The following TRPC4 variants were observed in gnomAD, a reference collection of about 807,000 sequenced individuals.
TRPC4 encodes short transient receptor potential channel 4.
TRPC4 carries 49 observed loss-of-function variants against 99.4 expected under a neutral mutation model. The observed-to-expected ratio is 0.49, with a 90% CI of 0.39 to 0.63. The LOEUF (loss-of-function observed/expected upper bound fraction) is 0.63, where lower values mean the gene tolerates loss of function less well. TRPC4 is among the 20% of genes least tolerant of loss of function. The pLI is 0.00. For synonymous variants in TRPC4, 454 were observed against 425.9 expected (o/e 1.07, Z -0.81); for missense variants, 898 against 1,152.9 (o/e 0.78, Z 3.20).
intron 2 of TRPC4, among the ~76,000 whole-genome samples, chr13:37,763,055 C>A (rs889763565): frequency 3.3e-5 from 5 of 150,974 alleles, no homozygotes; most frequent in African/African-American, 1.2e-4. Flanking sequence ...TGGCCTTGAA[C>A]AGGATTTTTG....
chr13:37,636,240 T>C lies in TRPC4; in HGVS notation c.*663A>G, dbSNP rs1472170410. On this transcript the variant is annotated 3_prime_UTR_variant, in exon 11 of 11. Transcript: ENST00000379705. ...TTTCCTGACAAAATGTCGTTAAAAA[T>C]CATCAGTCATCAAAATGTATTAAGA... Among the ~76,000 whole-genome samples the C allele has an allele frequency of 1.3e-5, 2 of 151,958 alleles. No individual in the cohort carries two copies. The highest frequency in any genetic ancestry group is 1.3e-4 in the Admixed American group (2 of 15,208).
chr13:37,704,507 T>G (rs1593548740), intron 3 of TRPC4, among the ~76,000 whole-genome samples: 1 of 152,036 alleles, frequency 6.6e-6, no homozygotes, highest in East Asian at 1.9e-4. Context: ...GCCAATATGG[T>G]GAGACCCCAT....
chr13:37,861,805 G>C (rs999815565), intron 1 of TRPC4, among the ~76,000 whole-genome samples: 3 of 151,470 alleles, frequency 2.0e-5, no homozygotes, highest in Non-Finnish European at 4.4e-5. Context: ...TACAGCACAT[G>C]CAGAGGGACA....
chr13:37,791,940 A>T (rs2139391538), intron 1 of TRPC4, among the ~76,000 whole-genome samples: 1 of 152,296 alleles, frequency 6.6e-6, no homozygotes, highest in Non-Finnish European at 1.5e-5. Context: ...AAAAAGCGGA[A>T]GAGATGAGTC....
intron 8 of TRPC4, among the ~76,000 whole-genome samples, chr13:37,649,328 C>T (rs1951945637): frequency 6.6e-6 from 1 of 152,074 alleles, no homozygotes; most frequent in South Asian, 2.1e-4. Context: ...CTGTATCTCT[C>T]TCATTAAAAT....
intron 1 of TRPC4, among the ~76,000 whole-genome samples, chr13:37,869,000 T>G (rs1959969015): frequency 6.6e-6 from 1 of 152,138 alleles, no homozygotes; most frequent in Admixed American, 6.5e-5. Context: ...CATTGGAATC[T>G]CGGTTGCCAG....
At chr13:37,669,479 G>A (rs938846937) in intron 5 of TRPC4, among the ~76,000 whole-genome samples, 1 of 152,140 alleles carries the variant, frequency 6.6e-6, no homozygotes, top group African/African-American at 2.4e-5. Context: ...AGCTTTAAAT[G>A]CTAATAAATC....
intron 4 of TRPC4, among the ~76,000 whole-genome samples, chr13:37,677,776 T>C (rs1281659356): frequency 6.6e-6 from 1 of 152,152 alleles, no homozygotes. Flanking sequence ...AGTAATGATA[T>C]AGAAGACCTG....
At chr13:37,856,254 A>C (rs902309801) in intron 1 of TRPC4, among the ~76,000 whole-genome samples, 1 of 151,728 alleles carries the variant, frequency 6.6e-6, no homozygotes, top group African/African-American at 2.4e-5. Context: ...CATGCCAATA[A>C]ATTCTAAAAT....
At chr13:37,787,475 A>G (rs1957002053) in intron 1 of TRPC4, among the ~76,000 whole-genome samples, 1 of 152,098 alleles carries the variant, frequency 6.6e-6, no homozygotes, top group South Asian at 2.1e-4. Flanking sequence ...TCCACATAAA[A>G]GCATAATGGT....
At chr13:37,720,688 T>C (rs1954841550) in intron 3 of TRPC4, among the ~76,000 whole-genome samples, 1 of 152,174 alleles carries the variant, frequency 6.6e-6, no homozygotes, top group Non-Finnish European at 1.5e-5. Flanking sequence ...ACTTGTACTG[T>C]TATACAAGTT....
At chr13:37,753,833 C>G (rs773632690) in intron 2 of TRPC4, among the ~76,000 whole-genome samples, 2 of 152,062 alleles carry the variant, frequency 1.3e-5, no homozygotes, top group African/African-American at 2.4e-5. Context: ...TTCAGAGAAC[C>G]CTTGCATCCA....
Position 37,745,464 on chromosome 13 carries a change from A to ATATATATATGCGTG in TRPC4, c.897+472_897+473insCACGCATATATATA, listed in dbSNP as rs1955729277. ...TATATATATATATATATATATATATATATATATATACACACACACACACAC... is the reference window on the plus strand; with the variant it reads ...TATATATATATATATATATATATATATATATATATGCGTGTATATATATACACACACACACACAC... On this transcript the variant is annotated intron_variant, in intron 3 of 10. Transcript: ENST00000379705. Among the ~76,000 whole-genome samples the ATATATATATGCGTG allele has an allele frequency of 1.6e-3, 5 of 3,214 alleles. No individual in the cohort carries two copies. The South Asian group carries it at 0.057, about 37-fold the overall frequency. The allele number at this position is 3,214 out of a possible 152,430, so 2.1% of individuals were successfully genotyped here.
chr13:37,830,135 C>G (rs1275519400), intron 1 of TRPC4, among the ~76,000 whole-genome samples: 1 of 151,828 alleles, frequency 6.6e-6, no homozygotes, highest in Non-Finnish European at 1.5e-5. Flanking sequence ...AAGGGTGAGT[C>G]TTATGGTATG....
intron 3 of TRPC4, among the ~76,000 whole-genome samples, chr13:37,706,974 C>A (rs746962544): frequency 3.9e-5 from 6 of 151,942 alleles, no homozygotes; most frequent in Non-Finnish European, 5.9e-5. Flanking sequence ...TTTTTCCTCA[C>A]CTTGCTTTTC....
In TRPC4 at chr13:37,691,902, C is replaced by T. The variant is rs764917238; in HGVS notation, c.1234+97G>A. Reference sequence around the variant, plus strand: ...TACAATAGTCAGAACCTATTCTAAACATTCCTAGGTCCCAAACATTAATGA... The same window carrying T: ...TACAATAGTCAGAACCTATTCTAAATATTCCTAGGTCCCAAACATTAATGA... On this transcript the variant is annotated intron_variant, in intron 4 of 10. Transcript: ENST00000379705. 50 of 1,197,060 alleles carry T rather than the reference C, an allele frequency of 4.2e-5. 1 individual carries two copies. The highest frequency in any genetic ancestry group is 5.5e-5 in the Non-Finnish European group (47 of 859,156). The allele number at this position is 1,197,060 out of a possible 1,614,324, so 74.2% of individuals were successfully genotyped here. A position where few individuals can be genotyped will look rare whatever the true frequency, so the allele number is the denominator to read the frequency against.
intron 3 of TRPC4, among the ~76,000 whole-genome samples, chr13:37,710,926 G>A (rs1954462842): frequency 6.6e-6 from 1 of 151,898 alleles, no homozygotes; most frequent in Admixed American, 6.6e-5. Flanking sequence ...ATATGATGCT[G>A]TATAATTTGT....
chr13:37,680,988 C>T (rs1318422356), intron 4 of TRPC4, among the ~76,000 whole-genome samples: 3 of 152,086 alleles, frequency 2.0e-5, no homozygotes, highest in Non-Finnish European at 4.4e-5. Flanking sequence ...ACTGGAAAGT[C>T]AAATGTGATT....
At chr13:37,729,710 T>C (rs1955181696) in intron 3 of TRPC4, among the ~76,000 whole-genome samples, 3 of 152,088 alleles carry the variant, frequency 2.0e-5, no homozygotes, top group Admixed American at 6.6e-5. Context: ...TTGAGGACAT[T>C]AGGCTAAGTG....
Sources: gnomAD v4.1 joint callset for allele counts (sites outside exome capture counted in the v4.1 genomes callset) on GRCh38, gnomAD v4.1.1 for gene constraint, MANE v1.5 for transcripts, NCBI Gene and HGNC (gene_info 2026-07-23, HGNC 2026-07-21) for gene names.